Variants in CLSTN3 observed in about 807,000 individuals in gnomAD.
The protein encoded by CLSTN3 is calsyntenin 3.
A neutral mutation model predicts 95.9 loss-of-function variants in CLSTN3; 36 were observed. The observed-to-expected ratio is 0.38, with a 90% CI of 0.29 to 0.50. The LOEUF is 0.50. CLSTN3 is among the 20% of genes least tolerant of loss of function. CLSTN3 has a pLI of 0.95. For synonymous variants in CLSTN3, 481 were observed against 504.0 expected (o/e 0.95, Z 0.61); for missense variants, 1,084 against 1,268.8 (o/e 0.85, Z 2.21).
At chr12:7,147,396 CAAAAAA>C (rs56109046) in intron 12 of CLSTN3, among the ~76,000 whole-genome samples, 12 of 50,524 alleles carry the variant, frequency 2.4e-4, no homozygotes, top group Admixed American at 3.4e-4. Context: ...GAGACTCTGC[CAAAAAA>C]AAAAAAAAAA....
Position 7,157,394 on chromosome 12 carries a change from C to T in CLSTN3, c.2528-95C>T. On this transcript the variant is annotated intron_variant, in intron 16 of 17. Coordinates refer to ENST00000266546, the MANE Select transcript of CLSTN3 (RefSeq NM_014718.4). The surrounding 1 kb of genome is among the most constrained non-coding windows in gnomAD (Gnocchi z 5.9). ...CGTGTGTTCTGCCCTGGGAGTCCTTCAGCCCGGGCTGCCTCTTTTCCTACC... is the reference window on the plus strand; with the variant it reads ...CGTGTGTTCTGCCCTGGGAGTCCTTTAGCCCGGGCTGCCTCTTTTCCTACC... The T allele has an allele frequency of 9.0e-7, 1 of 1,116,272 alleles. No homozygotes were observed. Among genetic ancestry groups the T allele is most frequent in the East Asian group, 2.6e-5 (1 of 38,862 alleles). 69.1% of individuals were successfully genotyped at this position (1,116,272 alleles called of 1,614,324 possible). A position where few individuals can be genotyped will look rare whatever the true frequency, so the allele number is the denominator to read the frequency against.
At chr12:7,136,728 A>C (rs1006012722) in intron 6 of CLSTN3, 101 bp from the exon 7 acceptor site, 4 of 1,341,980 alleles carry the variant, frequency 3.0e-6, no homozygotes, top group East Asian at 2.3e-5. Context: ...GACGTGCTGT[A>C]GGAAATCTTT....
rs771568379 is a variant in CLSTN3 at position 7,157,035 on chromosome 12, C to T, written c.2528-454C>T. ...CCCAGGCCTGGAGCCTGCATCTCCT[C>T]CTGCTCAGCCAAGCCCGTGTGGGGG... On this transcript the variant is annotated intron_variant, in intron 16 of 17. Transcript: ENST00000266546. This position sits in a 1 kb window ranked among gnomAD's most constrained non-coding sequence, Gnocchi z 5.9. 9 of 357,164 alleles carry T rather than the reference C, an allele frequency of 2.5e-5. No homozygotes were observed. The highest frequency in any genetic ancestry group is 1.5e-4 in the East Asian group (2 of 13,358). The allele number at this position is 357,164 out of a possible 1,614,324, so 22.1% of individuals were successfully genotyped here.
intron 16 of CLSTN3, chr12:7,156,648 T>C (rs745903773): frequency 2.2e-6 from 1 of 456,794 alleles, no homozygotes; most frequent in South Asian, 1.5e-5. Context: ...GCCCACACGG[T>C]CTTCCTGAGC....
At position 7,136,862 on chromosome 12, in the gene CLSTN3, T is replaced by G; in HGVS notation, c.962T>G (p.Met321Arg). 1 of 1,614,124 alleles carries G rather than the reference T, an allele frequency of 6.2e-7. No homozygotes were observed. Residue 321 changes from methionine (M) to arginine (R), a missense_variant, in exon 7 of 18, where the codon ATG becomes AGG. Met to Arg is a moderately conservative substitution (Grantham distance 91). Coordinates refer to ENST00000266546, the MANE Select transcript of CLSTN3 (RefSeq NM_014718.4). Reference sequence around the variant, plus strand: ...ACTGGGGAGGTGGATCTGTTGCCCATGCCTGGCCCCAATGCCAACTGGACA... The same window carrying G: ...ACTGGGGAGGTGGATCTGTTGCCCAGGCCTGGCCCCAATGCCAACTGGACA... ...AATGEVDLLP[M>R]PGPNANWTAG...
At position 7,150,064 on chromosome 12, in the gene CLSTN3, GT is replaced by G. The variant is rs1939697192; in HGVS notation, c.2245+372del. ...CTGTTGTTCAGCTCACTCATCTCAC[GT>G]GCACACCAGAGCTTTACAAGAAGTA... On this transcript the variant is annotated intron_variant, in intron 14 of 17. Coordinates refer to ENST00000266546, the MANE Select transcript of CLSTN3 (RefSeq NM_014718.4). This position sits in a 1 kb window ranked among gnomAD's most constrained non-coding sequence, Gnocchi z 4.0. 6.6e-6 allele frequency among the ~76,000 whole-genome samples: 1 copy of G among 152,074 alleles called. No homozygotes were observed. Among genetic ancestry groups the G allele is most frequent in the Non-Finnish European group, 1.5e-5 (1 of 68,030 alleles).
Position 7,157,762 on chromosome 12 carries a change from G to A in CLSTN3, c.2730+71G>A. 1 of 1,519,412 alleles carries A rather than the reference G, an allele frequency of 6.6e-7. No individual in the cohort carries two copies. The highest frequency in any genetic ancestry group is 8.9e-7 in the Non-Finnish European group (1 of 1,125,238). 94.1% of individuals were successfully genotyped at this position (1,519,412 alleles called of 1,614,324 possible). A position where few individuals can be genotyped will look rare whatever the true frequency, so the allele number is the denominator to read the frequency against. On this transcript the variant is annotated intron_variant, in intron 17 of 17. Transcript: ENST00000266546. The surrounding 1 kb of genome is among the most constrained non-coding windows in gnomAD (Gnocchi z 5.9). The stretch of plus-strand genomic sequence containing the variant: ...AGCACACACGGTGAGGACTCCTGAG[G>A]AGGGGCAGGCCTGGGTGGAGGCTGT...
intron 1 of CLSTN3, chr12:7,131,808 A>G (rs1320921315): frequency 2.2e-6 from 1 of 456,452 alleles, no homozygotes; most frequent in Non-Finnish European, 4.4e-6. Context: ...CTTTCTCCTC[A>G]GCATTCAGGA....
rs762431999 is a variant in CLSTN3, at chr12:7,149,648, C to A, written c.2200C>A (p.Arg734=). The change falls in exon 14 of 18, where the codon CGG becomes AGG. Residue 734 remains arginine (R), a synonymous_variant. Transcript: ENST00000266546. This position sits in a 1 kb window ranked among gnomAD's most constrained non-coding sequence, Gnocchi z 4.5. ...LLLDTTSLQQ[R]GLELTNTSAY... ...CCTGGACACAACCTCTCTGCAGCAG[C>A]GGGGGCTGGAGCTCACCAACACATC... 2 of 1,614,062 alleles carry A rather than the reference C, an allele frequency of 1.2e-6. No individual in the cohort carries two copies. Among genetic ancestry groups the A allele is most frequent in the African/African-American group, 1.3e-5 (1 of 74,918 alleles).
At chr12:7,139,893 C>G (rs1939498718) in intron 8 of CLSTN3, among the ~76,000 whole-genome samples, 1 of 152,178 alleles carries the variant, frequency 6.6e-6, no homozygotes, top group Non-Finnish European at 1.5e-5. Flanking sequence ...ATCCACCCAC[C>G]TTGGCCTCCT....
At position 7,137,795 on chromosome 12, in the gene CLSTN3, T is replaced by TGTGTGTGAGAGA. The variant is rs768487238; in HGVS notation, c.1211-159_1211-158insTGTGTGAGAGAG. Among the ~76,000 whole-genome samples the TGTGTGTGAGAGA allele has an allele frequency of 6.1e-3, 432 of 70,674 alleles. 12 individuals carry two copies. The East Asian group carries it at 0.078, about 13-fold the overall frequency. 46.4% of individuals were successfully genotyped at this position (70,674 alleles called of 152,430 possible). On this transcript the variant is annotated intron_variant, in intron 7 of 17. Transcript: ENST00000266546. The surrounding 1 kb of genome is among the most constrained non-coding windows in gnomAD (Gnocchi z 4.4). ...GTGTGTGTGTGTGTGTGTGTGTGTG[T>TGTGTGTGAGAGA]GAGAGAGAGAGAGAGAGAGAGAGAG... is the stretch of plus-strand genomic sequence containing the variant.
In CLSTN3 at chr12:7,136,996, C is replaced by T. The variant is rs1939438914; in HGVS notation, c.1096C>T (p.Pro366Ser). Residue 366 changes from proline to serine, a missense_variant, in exon 7 of 18, where the codon CCC (proline) becomes TCC (serine). Physicochemically the swap from Pro to Ser is moderately conservative, Grantham distance 74. Transcript: ENST00000266546. ...LGGPSGLGSG[P>S]QDSLSDHFTL... ...TGGCCCCAGTGGGCTGGGCTCTGGG[C>T]CCCAGGACAGCCTCAGTGACCACTT... is the stretch of plus-strand genomic sequence containing the variant. The T allele has an allele frequency of 6.2e-7, 1 of 1,614,170 alleles. No homozygotes were observed. The highest frequency in any genetic ancestry group is 8.5e-7 in the Non-Finnish European group (1 of 1,180,010).
At chr12:7,147,801 C>G (rs1939647444) in intron 12 of CLSTN3, among the ~76,000 whole-genome samples, 1 of 152,110 alleles carries the variant, frequency 6.6e-6, no homozygotes, top group South Asian at 2.1e-4. Flanking sequence ...CAGGCATGAG[C>G]CATCATGCCC....
rs1242058194 is a variant in CLSTN3 at position 7,141,277 on chromosome 12, C to T, written c.1359C>T (p.Asn453=). ...ATGAGTGGCACCACTACGCTCTGAA[C>T]CTCGAGTTCCCCACAGTCACACTCT... is the stretch of plus-strand genomic sequence containing the variant. ...CDDEWHHYAL[N]LEFPTVTLYT... is the part of the protein sequence containing the mutation. Residue 453 remains asparagine, a synonymous_variant, in exon 9 of 18, where the codon AAC becomes AAT. Coordinates refer to ENST00000266546, the MANE Select transcript of CLSTN3 (RefSeq NM_014718.4). The surrounding 1 kb of genome is among the most constrained non-coding windows in gnomAD (Gnocchi z 4.1). 3.1e-6 allele frequency: 5 copies of T among 1,614,160 alleles called. No homozygotes were observed. Among genetic ancestry groups the T allele is most frequent in the South Asian group, 1.1e-5 (1 of 91,082 alleles).
In CLSTN3 at chr12:7,133,165, T is replaced by C. The variant is rs1486236783; in HGVS notation, c.187+19T>C. On this transcript the variant is annotated intron_variant, in intron 2 of 17. Coordinates refer to ENST00000266546, the MANE Select transcript of CLSTN3 (RefSeq NM_014718.4). This position sits in a 1 kb window ranked among gnomAD's most constrained non-coding sequence, Gnocchi z 4.7. ...TATGCAGGTAATTGGGATTGGGGGATGGCAAGGCAGGGTAGGACAGAGAAA... is the reference window on the plus strand; with the variant it reads ...TATGCAGGTAATTGGGATTGGGGGACGGCAAGGCAGGGTAGGACAGAGAAA... 1.7e-5 allele frequency: 27 copies of C among 1,554,648 alleles called. No homozygotes were observed. The highest frequency in any genetic ancestry group is 2.4e-5 in the Non-Finnish European group (27 of 1,146,134).
At chr12:7,130,187 C>T (rs1039294727), upstream of CLSTN3, 1 of 229,824 alleles carries the variant, frequency 4.4e-6, no homozygotes, top group African/African-American at 2.3e-5. Context: ...CAGCTTCCTC[C>T]CCAGCCCCCG....
intron 16 of CLSTN3, 22 bp downstream of exon 16, chr12:7,151,085 G>A: frequency 6.5e-7 from 1 of 1,533,058 alleles, no homozygotes; most frequent in Non-Finnish European, 8.8e-7. Flanking sequence ...TGGTGGGGCT[G>A]GGCAGGGAGG....
In CLSTN3 at chr12:7,150,589, G is replaced by C. The variant is rs769889487; in HGVS notation, c.2291G>C (p.Arg764Pro). Residue 764 changes from arginine (R) to proline (P), a missense_variant, in exon 15 of 18, where the codon CGT (arginine) becomes CCT (proline). Arg to Pro is a moderately radical substitution (Grantham distance 103, BLOSUM62 -2). Transcript: ENST00000266546. This position sits in a 1 kb window ranked among gnomAD's most constrained non-coding sequence, Gnocchi z 4.0. ...TVYEEILRQARYRLRHGAALY... is the reference protein window; with the variant it reads ...TVYEEILRQAPYRLRHGAALY... ...TATGAAGAGATCCTGAGGCAGGCTC[G>C]TTATCGGCTGCGACACGGAGCTGCC... 3 of 1,613,928 alleles carry C rather than the reference G, an allele frequency of 1.9e-6. No individual in the cohort carries two copies. In the South Asian group the frequency reaches 3.3e-5, roughly 18 times the overall value.
At chr12:7,130,310 C>A (rs951850811), upstream of CLSTN3, 120 of 815,414 alleles carry the variant, frequency 1.5e-4, 3 homozygotes, top group Non-Finnish European at 1.7e-4. Context: ...TGGTCCCCCC[C>A]CCTCCCAGTC....
Sources: gnomAD v4.1 joint callset for allele counts (sites outside exome capture counted in the v4.1 genomes callset) on GRCh38, gnomAD v4.1.1 for gene constraint, Gnocchi (gnomAD v3.1) non-coding constraint, MANE v1.5 for transcripts, NCBI Gene and HGNC (gene_info 2026-07-23, HGNC 2026-07-21) for gene names.